JADE3: variants seen among roughly 807,000 people sequenced by gnomAD.
The protein encoded by JADE3 is protein Jade-3.
A neutral mutation model predicts 50.1 loss-of-function variants in JADE3; 2 were observed. The observed-to-expected ratio is 0.04, with a 90% CI of 0.02 to 0.13. The LOEUF (loss-of-function observed/expected upper bound fraction) is 0.13. Ranked by LOEUF, JADE3 falls within the 10% of genes least tolerant of loss-of-function variation. The probability of loss-of-function intolerance (pLI) is 1.00; values close to 1 mark genes in which losing one functional copy is unlikely to be tolerated. For synonymous variants in JADE3, 218 were observed against 232.9 expected (o/e 0.94, Z 0.58); for missense variants, 475 against 634.4 (o/e 0.75, Z 2.70).
intron 1 of JADE3, among the ~76,000 whole-genome samples, chrX:46,969,388 C>T (rs1474809208): frequency 9.0e-6 from 1 of 111,567 alleles, no homozygotes; most frequent in Non-Finnish European, 1.9e-5. Flanking sequence ...TGCACTCCAG[C>T]CTGGGCAACA....
chrX:46,960,460 A>T (rs781820132), intron 1 of JADE3, among the ~76,000 whole-genome samples: 2 of 112,120 alleles, frequency 1.8e-5, no homozygotes, highest in African/African-American at 6.5e-5. Flanking sequence ...GGTCTGTACC[A>T]GTCAGAGGGT....
chrX:47,025,208 ATGGCCATAGCTGAT>A (rs781964909), intron 5 of JADE3, among the ~76,000 whole-genome samples: 10 of 112,177 alleles, frequency 8.9e-5, no homozygotes, highest in East Asian at 8.4e-4. Context: ...AAGTTTGAGA[ATGGCCATAGCTGAT>A]TGGCCATAGC....
At chrX:46,967,152 T>G (rs1394843795) in intron 1 of JADE3, among the ~76,000 whole-genome samples, 2 of 112,556 alleles carry the variant, frequency 1.8e-5, no homozygotes, top group Non-Finnish European at 3.8e-5. Context: ...CTCTAGAGAT[T>G]TGTGGAATCA....
At chrX:47,010,980 C>T (rs959329333) in intron 4 of JADE3, among the ~76,000 whole-genome samples, 2 of 111,571 alleles carry the variant, frequency 1.8e-5, no homozygotes, top group Non-Finnish European at 3.8e-5. Context: ...TTCTTCTGTA[C>T]GTGCACAGTT....
At position 47,060,995 on chromosome X, in the gene JADE3, G is replaced by A. The variant is rs192662197; in HGVS notation, c.*1918G>A. ...GAGAGTATTGACTAAAATATCATTC[G>A]TCAGGGAAATATAGTTGTAATATTT... On this transcript the variant is annotated 3_prime_UTR_variant, in exon 11 of 11. Transcript: ENST00000614628. 2.0e-4 allele frequency: 22 copies of A among 112,024 alleles called. No homozygotes were observed. Among genetic ancestry groups the A allele is most frequent in the East Asian group, 2.0e-3 (7 of 3,574 alleles). 9.2% of individuals were successfully genotyped at this position (112,024 alleles called of 1,213,427 possible). A position where few individuals can be genotyped will look rare whatever the true frequency, so the allele number is the denominator to read the frequency against.
intron 10 of JADE3, among the ~76,000 whole-genome samples, chrX:47,057,153 C>T (rs1326633590): frequency 1.8e-5 from 2 of 111,679 alleles, no homozygotes; most frequent in Non-Finnish European, 3.8e-5. Flanking sequence ...CACATGCCTT[C>T]TGATGTGTAG....
chrX:46,964,205 C>G (rs1927321491), intron 1 of JADE3, among the ~76,000 whole-genome samples: 1 of 111,753 alleles, frequency 8.9e-6, no homozygotes, highest in East Asian at 2.8e-4. Flanking sequence ...GATGTGAAAC[C>G]CATAAATGAA....
chrX:46,995,996 G>A (rs1182255409), intron 3 of JADE3, among the ~76,000 whole-genome samples: 3 of 112,541 alleles, frequency 2.7e-5, no homozygotes, highest in Non-Finnish European at 5.6e-5. Flanking sequence ...GGTATGAATT[G>A]GTTGGTGGTT....
chrX:46,952,555 C>T (rs782217386), intron 1 of JADE3, among the ~76,000 whole-genome samples: 2 of 112,467 alleles, frequency 1.8e-5, no homozygotes, highest in East Asian at 2.8e-4. Context: ...GTTTGTTTTC[C>T]TGAGCTCTTC....
intron 1 of JADE3, among the ~76,000 whole-genome samples, chrX:46,934,813 G>A (rs1445025323): frequency 2.7e-5 from 3 of 112,104 alleles, no homozygotes; most frequent in Non-Finnish European, 5.6e-5. Context: ...GTTAATCTTT[G>A]TAAATGGAGT....
chrX:46,917,332 A>G (rs1284615379), intron 1 of JADE3, among the ~76,000 whole-genome samples: 1 of 111,456 alleles, frequency 9.0e-6, no homozygotes, highest in African/African-American at 3.3e-5. Flanking sequence ...ATATAGGATA[A>G]TAACAATAAC....
chrX:46,920,162 T>C (rs1279503181), intron 1 of JADE3, among the ~76,000 whole-genome samples: 7 of 112,085 alleles, frequency 6.2e-5, no homozygotes, highest in African/African-American at 2.3e-4. Context: ...AGATGATATA[T>C]AGTGATGCAA....
chrX:46,949,111 T>G (rs913438114), intron 1 of JADE3, among the ~76,000 whole-genome samples: 1 of 109,852 alleles, frequency 9.1e-6, no homozygotes, highest in Non-Finnish European at 1.9e-5. Flanking sequence ...TTTTTGTATT[T>G]TTTTTTTGGT....
intron 1 of JADE3, among the ~76,000 whole-genome samples, chrX:46,970,612 A>G (rs1369096958): frequency 1.8e-5 from 2 of 111,926 alleles, no homozygotes; most frequent in African/African-American, 6.5e-5. Flanking sequence ...TCTGGTGGCC[A>G]GTACAGTGCC....
rs986878469 is a variant in JADE3 at position 47,060,556 on chromosome X, G to C, written c.*1479G>C. 1.5e-4 allele frequency: 17 copies of C among 111,927 alleles called. No homozygotes were observed. Among genetic ancestry groups the C allele is most frequent in the African/African-American group, 5.2e-4 (16 of 30,738 alleles). 9.2% of individuals were successfully genotyped at this position (111,927 alleles called of 1,213,427 possible). A position where few individuals can be genotyped will look rare whatever the true frequency, so the allele number is the denominator to read the frequency against. ...CCCCCAGTTGTGTTCTTGTAACGTT[G>C]TTAATGGGTTCCTTTGCTTTTTGCT... On this transcript the variant is annotated 3_prime_UTR_variant, in exon 11 of 11. Coordinates refer to ENST00000614628, the MANE Select transcript of JADE3 (RefSeq NM_014735.5).
At chrX:46,922,792 CA>C (rs782130790) in intron 1 of JADE3, among the ~76,000 whole-genome samples, 32 of 111,357 alleles carry the variant, frequency 2.9e-4, no homozygotes, top group African/African-American at 9.5e-4. Flanking sequence ...AGTTCTTTTA[CA>C]TTTTTTTCTG....
intron 1 of JADE3, among the ~76,000 whole-genome samples, chrX:46,926,944 G>C (rs1926383535): frequency 8.9e-6 from 1 of 112,160 alleles, no homozygotes; most frequent in South Asian, 3.7e-4. Context: ...TTTGTTGATT[G>C]AGTAGAGCCG....
intron 8 of JADE3, among the ~76,000 whole-genome samples, chrX:47,044,883 ATAT>A (rs1352176855): frequency 8.9e-6 from 1 of 111,772 alleles, no homozygotes; most frequent in Non-Finnish European, 1.9e-5. Flanking sequence ...GGGTTATAAG[ATAT>A]TATCCGCAAG....
chrX:46,938,547 C>G, intron 1 of JADE3, among the ~76,000 whole-genome samples: 1 of 111,864 alleles, frequency 8.9e-6, no homozygotes, highest in Non-Finnish European at 1.9e-5. Flanking sequence ...TTTTTGCTGT[C>G]AGCCACCAAA....
Sources: allele counts gnomAD v4.1 joint callset (sites outside exome capture counted in the v4.1 genomes callset), GRCh38; gene constraint gnomAD v4.1.1; transcripts MANE v1.5; gene names NCBI Gene and HGNC (gene_info 2026-07-23, HGNC 2026-07-21).